The following TMEM132B variants were observed in gnomAD, a reference collection of about 807,000 sequenced individuals.
TMEM132B encodes the protein transmembrane protein 132B.
In TMEM132B, 18 loss-of-function variants were observed where a neutral mutation model predicts 90.8. The ratio of observed to expected loss-of-function variants is 0.20; its 90% CI spans 0.14 to 0.29. The LOEUF is 0.29. Among genes scored for constraint, TMEM132B ranks in the 10% least tolerant of loss-of-function variants. The pLI is 1.00. For missense variants in TMEM132B, 1,096 were observed against 1,326.8 expected (o/e 0.83, Z 2.70); for synonymous variants, 504 against 523.3 (o/e 0.96, Z 0.50).
chr12:125,488,930 G>A (rs12371764), intron 3 of TMEM132B, among the ~76,000 whole-genome samples: 11,878 of 152,272 alleles, frequency 0.078, 660 homozygotes, highest in Non-Finnish European at 0.11. Flanking sequence ...CTCAACATTC[G>A]TAGATGAAAT....
chr12:125,520,324 A>G (rs538201206), intron 4 of TMEM132B, among the ~76,000 whole-genome samples: 1 of 152,278 alleles, frequency 6.6e-6, no homozygotes, highest in South Asian at 2.1e-4. Flanking sequence ...CCACACTGGA[A>G]ATGTTCAACC....
intron 1 of TMEM132B, among the ~76,000 whole-genome samples, chr12:125,340,545 A>T (rs1198808624): frequency 6.6e-6 from 1 of 152,124 alleles, no homozygotes; most frequent in Non-Finnish European, 1.5e-5. Context: ...GGAAATTATG[A>T]CAAAAGGTTG....
At position 125,652,491 on chromosome 12, in the gene TMEM132B, C is replaced by A. The variant is rs1427542279; in HGVS notation, c.1965C>A (p.Val655=). The part of the protein sequence containing the change: ...DSILAEKTVI[V]LDDRVTIAEL... ...TCCTGGCTGAGAAGACGGTGATTGT[C>A]CTGGATGACCGAGTCACCATCGCGG... The change falls in exon 8 of 9, where the codon GTC becomes GTA. Residue 655 remains valine (V), a synonymous_variant. Coordinates refer to ENST00000682704, the MANE Select transcript of TMEM132B (RefSeq NM_001366854.1). 2.5e-6 allele frequency: 4 copies of A among 1,613,310 alleles called. No individual in the cohort carries two copies. Among genetic ancestry groups the A allele is most frequent in the Non-Finnish European group, 3.4e-6 (4 of 1,179,560 alleles).
intron 5 of TMEM132B, among the ~76,000 whole-genome samples, chr12:125,608,391 T>C (rs1473504957): frequency 2.6e-5 from 4 of 152,208 alleles, no homozygotes; most frequent in Non-Finnish European, 5.9e-5. Flanking sequence ...AAATGTCTAT[T>C]GAGGTCCTTG....
At chr12:125,451,129 G>GA (rs1362023209) in intron 3 of TMEM132B, among the ~76,000 whole-genome samples, 1 of 152,092 alleles carries the variant, frequency 6.6e-6, no homozygotes, top group Non-Finnish European at 1.5e-5. Flanking sequence ...CTGTCCTGGG[G>GA]AAAAAATTGC....
intron 5 of TMEM132B, chr12:125,585,849 G>C (rs185226080): frequency 6.6e-6 from 1 of 152,318 alleles, no homozygotes. Context: ...GTCTTCAGAG[G>C]AACAAAGTGA....
intron 1 of TMEM132B, among the ~76,000 whole-genome samples, chr12:125,229,083 C>T (rs1434499681): frequency 6.6e-6 from 1 of 152,208 alleles, no homozygotes; most frequent in East Asian, 1.9e-4. Context: ...TGGAAGGAAG[C>T]CTGGGTCCCT....
rs547424691 is a variant in TMEM132B at position 125,620,247 on chromosome 12, T to C, written c.1438-23829T>C. Reference sequence around the variant, plus strand: ...TACCTTTCAAGATTTTTAATATCTATACATTTATTTTAATGTACTTTAGAC... The same window carrying C: ...TACCTTTCAAGATTTTTAATATCTACACATTTATTTTAATGTACTTTAGAC... On this transcript the variant is annotated intron_variant, in intron 5 of 8. Transcript: ENST00000682704. Among the ~76,000 whole-genome samples, 13 of 152,350 alleles carry C rather than the reference T, an allele frequency of 8.5e-5. No homozygotes were observed. In the South Asian group the frequency reaches 2.5e-3, roughly 29 times the overall value.
intron 5 of TMEM132B, among the ~76,000 whole-genome samples, chr12:125,603,500 A>G (rs1015963120): frequency 1.3e-5 from 2 of 152,300 alleles, no homozygotes; most frequent in East Asian, 3.9e-4. Flanking sequence ...TAAAAACCCC[A>G]CAAGAAAACC....
intron 1 of TMEM132B, among the ~76,000 whole-genome samples, chr12:125,229,804 T>A (rs77173181): frequency 6.6e-6 from 1 of 152,222 alleles, no homozygotes; most frequent in Non-Finnish European, 1.5e-5. Context: ...CTGCTGATGT[T>A]CCCGGCCTTG....
intron 3 of TMEM132B, among the ~76,000 whole-genome samples, chr12:125,436,380 C>A (rs1198019508): frequency 6.6e-6 from 1 of 152,084 alleles, no homozygotes; most frequent in Admixed American, 6.5e-5. Flanking sequence ...TTCCCCTGTA[C>A]CACACACACA....
intron 4 of TMEM132B, among the ~76,000 whole-genome samples, chr12:125,540,390 A>G (rs1385012582): frequency 2.0e-5 from 3 of 152,216 alleles, no homozygotes; most frequent in South Asian, 2.1e-4. Context: ...TTTGATATCA[A>G]TTATTGAGAG....
At chr12:125,338,084 A>G (rs1160804214) in intron 1 of TMEM132B, among the ~76,000 whole-genome samples, 1 of 152,224 alleles carries the variant, frequency 6.6e-6, no homozygotes, top group East Asian at 1.9e-4. Flanking sequence ...TTTGCATTAA[A>G]AATATCAACT....
At chr12:125,439,950 A>G (rs1374931345) in intron 3 of TMEM132B, among the ~76,000 whole-genome samples, 1 of 152,126 alleles carries the variant, frequency 6.6e-6, no homozygotes, top group Non-Finnish European at 1.5e-5. Flanking sequence ...CTTTAGTTCT[A>G]TTTATGTGAT....
At chr12:125,215,923 A>C (rs1459410965) in intron 1 of TMEM132B, among the ~76,000 whole-genome samples, 1 of 152,226 alleles carries the variant, frequency 6.6e-6, no homozygotes, top group African/African-American at 2.4e-5. Context: ...TAACTTGATC[A>C]CAGTCTCTAT....
Position 125,632,556 on chromosome 12 carries a change from G to A in TMEM132B, c.1438-11520G>A, listed in dbSNP as rs568450687. On this transcript the variant is annotated intron_variant, in intron 5 of 8. Coordinates refer to ENST00000682704, the MANE Select transcript of TMEM132B (RefSeq NM_001366854.1). ...CTTTCTGATTGAAATACTCCCTTTAGCATTTCTTACAGGACAGGCCTGATG... is the reference window on the plus strand; with the variant it reads ...CTTTCTGATTGAAATACTCCCTTTAACATTTCTTACAGGACAGGCCTGATG... 9.2e-4 allele frequency among the ~76,000 whole-genome samples: 140 copies of A among 152,090 alleles called. 2 individuals are homozygous for A. In the South Asian group the frequency reaches 0.021, roughly 23 times the overall value.
At chr12:125,266,466 A>G (rs1256011039) in intron 1 of TMEM132B, among the ~76,000 whole-genome samples, 1 of 152,222 alleles carries the variant, frequency 6.6e-6, no homozygotes, top group Non-Finnish European at 1.5e-5. Context: ...CATAATTATA[A>G]TTAAAATCTT....
chr12:125,342,975 C>G (rs1877235878), intron 1 of TMEM132B, among the ~76,000 whole-genome samples: 1 of 152,190 alleles, frequency 6.6e-6, no homozygotes, highest in African/African-American at 2.4e-5. Flanking sequence ...CAAGTATTTG[C>G]TACCTTTCTT....
intron 1 of TMEM132B, among the ~76,000 whole-genome samples, chr12:125,244,284 G>T (rs1228362883): frequency 6.6e-6 from 1 of 152,204 alleles, no homozygotes; most frequent in Non-Finnish European, 1.5e-5. Flanking sequence ...GAGTGGAATT[G>T]CTGGGTGACA....
Sources: gnomAD v4.1 joint callset for allele counts (sites outside exome capture counted in the v4.1 genomes callset) on GRCh38, gnomAD v4.1.1 for gene constraint, MANE v1.5 for transcripts, NCBI Gene and HGNC (gene_info 2026-07-23, HGNC 2026-07-21) for gene names.